The following SMARCC1 variants were observed in gnomAD, a reference collection of about 807,000 sequenced individuals.
SMARCC1 encodes the protein SWI/SNF related BAF chromatin remodeling complex subunit C1, also known as SWI/SNF complex subunit SMARCC1.
SMARCC1 carries 43 observed loss-of-function variants against 147.4 expected under a neutral mutation model. The observed-to-expected ratio is 0.29, with a 90% CI of 0.23 to 0.38. The LOEUF is 0.38. Ranked by LOEUF, SMARCC1 falls within the 10% of genes least tolerant of loss-of-function variation. The pLI is 1.00. For missense variants in SMARCC1, 1,119 were observed against 1,381.1 expected, an observed-to-expected ratio of 0.81 and a Z score of 3.01; for synonymous variants, 495 against 484.4, an observed-to-expected ratio of 1.02 and a Z score of -0.29.
At chr3:47,741,607 G>A (rs1171297240) in intron 3 of SMARCC1, among the ~76,000 whole-genome samples, 1 of 151,496 alleles carries the variant, frequency 6.6e-6, no homozygotes, top group African/African-American at 2.4e-5. Context: ...ACAAGGATGA[G>A]TATCTTTACG....
chr3:47,638,726 T>G lies in SMARCC1; in HGVS notation c.2375A>C (p.Lys792Thr), dbSNP rs368022604. Residue 792 changes from lysine to threonine, a missense_variant and splice_region_variant, in exon 22 of 28, where the codon AAG (lysine) becomes ACG (threonine). Physicochemically the swap from Lys to Thr is moderately conservative, Grantham distance 78 (BLOSUM62 -1). Around this residue, in one of 6 missense-constraint regions of SMARCC1, gnomAD observed 157 missense variants for 158.6 expected, o/e 0.99. Transcript: ENST00000254480. ...EADPDGQQPE[K>T]AENKVENETD... is the part of the protein sequence containing the mutation. ...GGTTTTACTGCTGTGAGACTTTACC[T>G]TTTCAGGCTGCTGACCATCAGGGTC... The G allele has an allele frequency of 6.2e-7, 1 of 1,612,064 alleles. No individual in the cohort carries two copies. The highest frequency in any genetic ancestry group is 8.5e-7 in the Non-Finnish European group (1 of 1,178,094).
chr3:47,647,912 T>A (rs2033139154), intron 21 of SMARCC1, among the ~76,000 whole-genome samples: 1 of 152,236 alleles, frequency 6.6e-6, no homozygotes, highest in Non-Finnish European at 1.5e-5. Context: ...TCTGAATAAC[T>A]TTCCACTTCT....
intron 24 of SMARCC1, among the ~76,000 whole-genome samples, chr3:47,624,569 A>C (rs1407898116): frequency 1.3e-5 from 2 of 152,248 alleles, no homozygotes; most frequent in Non-Finnish European, 2.9e-5. Context: ...AATCTGTAAC[A>C]GTGTGAATAG....
chr3:47,639,730 C>CCAAT (rs1262571746), intron 21 of SMARCC1, among the ~76,000 whole-genome samples: 2 of 151,506 alleles, frequency 1.3e-5, no homozygotes, highest in South Asian at 2.1e-4. Flanking sequence ...AACCAACCAA[C>CCAAT]CAACCAACCA....
chr3:47,594,827 G>T (rs549768948), intron 26 of SMARCC1, among the ~76,000 whole-genome samples: 1 of 152,272 alleles, frequency 6.6e-6, no homozygotes, highest in East Asian at 1.9e-4. Flanking sequence ...CCACAAACCA[G>T]TAAGAAATAA....
At chr3:47,646,038 G>T (rs774792465) in intron 21 of SMARCC1, among the ~76,000 whole-genome samples, 11 of 152,028 alleles carry the variant, frequency 7.2e-5, no homozygotes, top group Non-Finnish European at 1.2e-4. Context: ...TTAATGATAG[G>T]GCCAGGTGTG....
At chr3:47,655,536 A>C (rs2033250260) in intron 21 of SMARCC1, among the ~76,000 whole-genome samples, 1 of 151,696 alleles carries the variant, frequency 6.6e-6, no homozygotes, top group Non-Finnish European at 1.5e-5. Flanking sequence ...GTCTCCACCA[A>C]AAATACAAAA....
intron 3 of SMARCC1, 49 bp from the exon 4 acceptor site, chr3:47,738,159 A>G (rs1390240045): frequency 7.8e-7 from 1 of 1,286,416 alleles, no homozygotes; most frequent in Non-Finnish European, 1.1e-6. Flanking sequence ...GCTTAAACAC[A>G]AATGAAAACT....
intron 25 of SMARCC1, among the ~76,000 whole-genome samples, chr3:47,618,968 T>C (rs550634008): frequency 1.3e-4 from 20 of 152,306 alleles, no homozygotes; most frequent in Middle Eastern, 3.4e-3. Flanking sequence ...GAATCCCGCA[T>C]ATGCCAACAA....
chr3:47,753,461 C>G (rs1342129014), intron 2 of SMARCC1, among the ~76,000 whole-genome samples: 1 of 151,620 alleles, frequency 6.6e-6, no homozygotes, highest in African/African-American at 2.4e-5. Context: ...TGCCTGTAAT[C>G]TGAGCACTTT....
chr3:47,781,324 C>T lies in SMARCC1; in HGVS notation c.195+279G>A, dbSNP rs116195597. The stretch of plus-strand genomic sequence containing the variant: ...AGCTGACAAAAGAGAGAGAGTCACA[C>T]TCGCTTAGTGGCTGAGCTCGACCTG... On this transcript the variant is annotated intron_variant, in intron 1 of 27. Transcript: ENST00000254480. Among the ~76,000 whole-genome samples, 1,077 of 152,328 alleles carry T rather than the reference C, an allele frequency of 7.1e-3. 11 individuals are homozygous for T. The highest frequency in any genetic ancestry group is 0.025 in the African/African-American group (1,041 of 41,594).
intron 24 of SMARCC1, among the ~76,000 whole-genome samples, chr3:47,627,790 A>G (rs1028341766): frequency 6.6e-6 from 1 of 152,164 alleles, no homozygotes; most frequent in African/African-American, 2.4e-5. Context: ...GTGAGATCAC[A>G]GCTCACGGTA....
chr3:47,743,813 A>G (rs1408701730), intron 3 of SMARCC1, among the ~76,000 whole-genome samples: 1 of 139,532 alleles, frequency 7.2e-6, no homozygotes, highest in Non-Finnish European at 1.6e-5. Context: ...ACTATGTCTC[A>G]AAAAAAAAAA....
intron 2 of SMARCC1, among the ~76,000 whole-genome samples, chr3:47,753,976 C>A (rs1278774191): frequency 1.3e-5 from 2 of 152,052 alleles, no homozygotes; most frequent in Non-Finnish European, 2.9e-5. Flanking sequence ...AATTCTTATA[C>A]CTCACAAAAT....
chr3:47,761,131 T>TA (rs1324912243), intron 2 of SMARCC1, among the ~76,000 whole-genome samples: 10 of 64,868 alleles, frequency 1.5e-4, no homozygotes, highest in African/African-American at 3.6e-4. Context: ...AGACTCTGTC[T>TA]AAAAAAAAAG....
intron 4 of SMARCC1, among the ~76,000 whole-genome samples, chr3:47,737,721 T>C (rs1341113671): frequency 6.6e-6 from 1 of 152,038 alleles, no homozygotes; most frequent in East Asian, 1.9e-4. Context: ...AGGGGCGCAA[T>C]CTCGGCTCAC....
chr3:47,706,141 T>TTA (rs1411463995), intron 10 of SMARCC1, among the ~76,000 whole-genome samples: 1 of 150,042 alleles, frequency 6.7e-6, no homozygotes, highest in Non-Finnish European at 1.5e-5. Context: ...TCTCAATACA[T>TTA]ACTTAGATAC....
chr3:47,590,504 AAC>A lies in SMARCC1; in HGVS notation c.3220+155_3220+156del, dbSNP rs2032159421. On this transcript the variant is annotated intron_variant, in intron 27 of 27. Coordinates refer to ENST00000254480, the MANE Select transcript of SMARCC1 (RefSeq NM_003074.4). ...CACCTGTCCATCAGGGGTGCTGAAGAACACAGACTGAAAACTGGTCTTTGAGA... is the reference window on the plus strand; with the variant it reads ...CACCTGTCCATCAGGGGTGCTGAAGAACAGACTGAAAACTGGTCTTTGAGA... 2.6e-5 allele frequency among the ~76,000 whole-genome samples: 4 copies of A among 152,330 alleles called. No individual in the cohort carries two copies. In the South Asian group the frequency reaches 8.3e-4, roughly 32 times the overall value.
chr3:47,758,455 T>G (rs544113359), intron 2 of SMARCC1, among the ~76,000 whole-genome samples: 3 of 151,398 alleles, frequency 2.0e-5, no homozygotes, highest in Non-Finnish European at 2.9e-5. Context: ...GCTTAAGCCC[T>G]AGAGGTCAAG....
Sources: allele counts gnomAD v4.1 joint callset (sites outside exome capture counted in the v4.1 genomes callset), GRCh38; gene constraint gnomAD v4.1.1; regional missense constraint gnomAD v4.1.1; transcripts MANE v1.5; gene names NCBI Gene and HGNC (gene_info 2026-07-23, HGNC 2026-07-21).